The following MAML2 variants were observed in gnomAD, a reference collection of about 807,000 sequenced individuals.
MAML2 encodes the protein mastermind-like protein 2.
Under a neutral mutation model 96.1 loss-of-function variants are expected in MAML2, and 22 were observed. The ratio of observed to expected loss-of-function variants is 0.23; its 90% CI spans 0.16 to 0.33. The LOEUF (loss-of-function observed/expected upper bound fraction) is 0.33. MAML2 is among the 10% of genes least tolerant of loss of function. The pLI is 1.00. For missense variants in MAML2, 1,367 were observed against 1,392.4 expected, an observed-to-expected ratio of 0.98 and a Z score of 0.29; for synonymous variants, 561 against 521.3, an observed-to-expected ratio of 1.08 and a Z score of -1.04.
At chr11:96,171,194 A>G (rs1861289573) in intron 1 of MAML2, among the ~76,000 whole-genome samples, 1 of 152,138 alleles carries the variant, frequency 6.6e-6, no homozygotes, top group Non-Finnish European at 1.5e-5. Flanking sequence ...TGGAGGGAAG[A>G]GTGAACTGGG....
At chr11:96,110,308 T>C (rs1327301081) in intron 1 of MAML2, among the ~76,000 whole-genome samples, 5 of 152,236 alleles carry the variant, frequency 3.3e-5, no homozygotes, top group Non-Finnish European at 7.3e-5. Context: ...CATTTTTAAA[T>C]ACTTCACAGC....
chr11:96,026,281 A>G (rs959096313), intron 2 of MAML2, among the ~76,000 whole-genome samples: 1 of 152,236 alleles, frequency 6.6e-6, no homozygotes, highest in Admixed American at 6.5e-5. Flanking sequence ...AGTTTGCTGA[A>G]TGAAAATATA....
intron 1 of MAML2, among the ~76,000 whole-genome samples, chr11:96,221,605 G>T (rs1285716555): frequency 6.6e-6 from 1 of 151,206 alleles, no homozygotes; most frequent in Non-Finnish European, 1.5e-5. Flanking sequence ...CATAGCAGTT[G>T]CCTTCAACCA....
rs572830140 is a variant in MAML2, at chr11:96,092,213, C to T, written c.1818G>A (p.Gln606=). The T allele has an allele frequency of 8.1e-5, 2 of 24,806 alleles. No individual in the cohort carries two copies. The highest frequency in any genetic ancestry group is 4.8e-5 in the Non-Finnish European group (1 of 20,688). 1.5% of individuals were successfully genotyped at this position (24,806 alleles called of 1,614,324 possible). ...QQQQQQQQQQ[Q]QQQQQQQQQQ... is the part of the protein sequence containing the mutation. ...GCTGTTGCTGCTGCTGCTGCTGTTG[C>T]TGCTGCTGCTGCTGCTGCTGCTGCT... is the stretch of plus-strand genomic sequence containing the variant. Residue 606 remains glutamine (Q), a synonymous_variant, in exon 2 of 5, where the codon CAG becomes CAA. Coordinates refer to ENST00000524717, the MANE Select transcript of MAML2 (RefSeq NM_032427.4). This position sits in a 1 kb window ranked among gnomAD's most constrained non-coding sequence, Gnocchi z 4.1.
At chr11:96,044,521 T>C (rs563293918) in intron 2 of MAML2, among the ~76,000 whole-genome samples, 14 of 152,266 alleles carry the variant, frequency 9.2e-5, no homozygotes, top group African/African-American at 3.4e-4. Context: ...GAATTCCTAT[T>C]AAAACACAAA....
chr11:96,324,096 C>T (rs991565737), intron 1 of MAML2, among the ~76,000 whole-genome samples: 1 of 152,184 alleles, frequency 6.6e-6, no homozygotes, highest in African/African-American at 2.4e-5. Context: ...AGGCCTGGAC[C>T]ATGTGTAAGT....
chr11:96,177,916 TTGTGTGTGTGTGTGTGTG>T (rs58447778), intron 1 of MAML2, among the ~76,000 whole-genome samples: 371 of 139,938 alleles, frequency 2.7e-3, no homozygotes, highest in Non-Finnish European at 4.5e-3. Context: ...GAGACCTTAG[TTGTGTGTGTGTGTGTGTG>T]TGTGTGTGTG....
chr11:96,063,470 T>A (rs1324747657), intron 2 of MAML2, among the ~76,000 whole-genome samples: 1 of 152,212 alleles, frequency 6.6e-6, no homozygotes, highest in Non-Finnish European at 1.5e-5. Context: ...ATTTTTTGAT[T>A]AAGTGAATGA....
rs542747222 is a variant in MAML2 at position 96,193,871 on chromosome 11, T to G, written c.514-100354A>C. Reference sequence around the variant, plus strand: ...AAACATATCAAAAGTAGCTGACAAATTCTACCACCATATGGTTCATTTCTC... The same window carrying G: ...AAACATATCAAAAGTAGCTGACAAAGTCTACCACCATATGGTTCATTTCTC... On this transcript the variant is annotated intron_variant, in intron 1 of 4. Transcript: ENST00000524717. 2.6e-5 allele frequency among the ~76,000 whole-genome samples: 4 copies of G among 152,360 alleles called. No homozygotes were observed. In the South Asian group the frequency reaches 6.2e-4, roughly 24 times the overall value.
chr11:96,079,201 G>A (rs545086917), intron 2 of MAML2, among the ~76,000 whole-genome samples: 30 of 152,140 alleles, frequency 2.0e-4, no homozygotes, highest in Non-Finnish European at 1.3e-4. Context: ...AACTATTTTA[G>A]AATTTCATGG....
intron 4 of MAML2, among the ~76,000 whole-genome samples, 192 bp from the exon 5 acceptor site, chr11:95,980,155 G>C (rs1302095746): frequency 6.6e-6 from 1 of 152,082 alleles, no homozygotes; most frequent in East Asian, 1.9e-4. Flanking sequence ...GTCACTTTTT[G>C]GTTCAGAAGT....
chr11:96,074,616 G>A (rs942172929), intron 2 of MAML2, among the ~76,000 whole-genome samples: 5 of 152,214 alleles, frequency 3.3e-5, no homozygotes, highest in Admixed American at 1.3e-4. Flanking sequence ...CTTTGCAACT[G>A]CATTTGGATT....
At chr11:96,120,551 C>G (rs1303383949) in intron 1 of MAML2, among the ~76,000 whole-genome samples, 1 of 152,160 alleles carries the variant, frequency 6.6e-6, no homozygotes, top group Non-Finnish European at 1.5e-5. Context: ...CCTCCCAGCT[C>G]CTTAAGCACT....
chr11:96,264,476 G>A (rs908395368), intron 1 of MAML2, among the ~76,000 whole-genome samples: 4 of 152,268 alleles, frequency 2.6e-5, no homozygotes, highest in African/African-American at 9.6e-5. Flanking sequence ...GGCTGGACTT[G>A]AGTTCTGATT....
intron 2 of MAML2, among the ~76,000 whole-genome samples, chr11:96,060,259 G>T (rs899061129): frequency 2.6e-5 from 4 of 152,208 alleles, no homozygotes; most frequent in African/African-American, 9.6e-5. Flanking sequence ...GACAAAACAT[G>T]CAGTTAAGCT....
Position 96,342,816 on chromosome 11 carries a change from G to A in MAML2, c.-921C>T. The A allele has an allele frequency of 3.2e-6, 1 of 316,426 alleles. No individual in the cohort carries two copies. Among genetic ancestry groups the A allele is most frequent in the Non-Finnish European group, 5.7e-6 (1 of 174,256 alleles). The allele number at this position is 316,426 out of a possible 1,614,324, so 19.6% of individuals were successfully genotyped here. Reference sequence around the variant, plus strand: ...ACACATTTTTTTCTTTCCCGCTTACGTTTCTATTCCTCACCCCCGGCTCTA... The same window carrying A: ...ACACATTTTTTTCTTTCCCGCTTACATTTCTATTCCTCACCCCCGGCTCTA... On this transcript the variant is annotated 5_prime_UTR_variant, in exon 1 of 5. The change creates a new upstream start codon in the 5' untranslated region. Transcript: ENST00000524717.
At chr11:96,252,539 C>A (rs1165101112) in intron 1 of MAML2, among the ~76,000 whole-genome samples, 1 of 151,010 alleles carries the variant, frequency 6.6e-6, no homozygotes, top group Non-Finnish European at 1.5e-5. Flanking sequence ...AATTCTCCTG[C>A]CTCAGCCTCC....
At chr11:96,140,665 CA>C (rs1325064720) in intron 1 of MAML2, among the ~76,000 whole-genome samples, 5 of 152,190 alleles carry the variant, frequency 3.3e-5, no homozygotes, top group African/African-American at 1.2e-4. Context: ...TCACTCTCTC[CA>C]TCGTTCAGTA....
chr11:96,204,570 G>C (rs1039865078), intron 1 of MAML2, among the ~76,000 whole-genome samples: 7 of 152,338 alleles, frequency 4.6e-5, no homozygotes, highest in Middle Eastern at 3.4e-3. Flanking sequence ...AGAGGTCACT[G>C]ATTTATGGGC....
Sources: gnomAD v4.1 joint callset for allele counts (sites outside exome capture counted in the v4.1 genomes callset) on GRCh38, gnomAD v4.1.1 for gene constraint, Gnocchi (gnomAD v3.1) non-coding constraint, MANE v1.5 for transcripts, NCBI Gene and HGNC (gene_info 2026-07-23, HGNC 2026-07-21) for gene names.